Variants in NEB observed in about 807,000 individuals in gnomAD.
The protein encoded by NEB is nemaline myopathy type 2.
A neutral mutation model predicts 952.2 loss-of-function variants in NEB; 512 were observed. The ratio of observed to expected loss-of-function variants is 0.54; its 90% CI spans 0.50 to 0.58. The LOEUF (loss-of-function observed/expected upper bound fraction) is 0.58. Ranked by LOEUF, NEB falls within the 20% of genes least tolerant of loss-of-function variation. NEB has a pLI of 0.00. For missense variants in NEB, 8,428 were observed against 9,231.1 expected (o/e 0.91, Z 3.56); for synonymous variants, 2,900 against 3,149.8 (o/e 0.92, Z 2.66).
rs373278622 is a variant in NEB, at chr2:151,655,895, C to G, written c.6624G>C (p.Pro2208=). 6.2e-7 allele frequency: 1 copy of G among 1,613,750 alleles called. No homozygotes were observed. The highest frequency in any genetic ancestry group is 2.2e-5 in the East Asian group (1 of 44,870). ...YASDQKYRQH[P]SNFQFKKLTD... ...TCAGCTTCTTAAACTGGAAGTTGCT[C>G]GGGTGCTGGCGGTATTTCTGATCAC... The change falls in exon 50 of 182, where the codon CCG becomes CCC. Residue 2208 remains proline, a synonymous_variant. Transcript: ENST00000397345.
chr2:151,524,481 T>C (rs763793793), intron 152 of NEB, 34 bp downstream of exon 152: 1 of 1,613,020 alleles, frequency 6.2e-7, no homozygotes, highest in Non-Finnish European at 8.5e-7. Flanking sequence ...GCAATGGCTG[T>C]TGGGGACTGG....
intron 110 of NEB, among the ~76,000 whole-genome samples, 180 bp from the exon 111 acceptor site, chr2:151,568,896 T>G (rs1050706901): frequency 8.5e-5 from 13 of 152,220 alleles, no homozygotes; most frequent in African/African-American, 2.9e-4. Flanking sequence ...TGCATCAGCT[T>G]CTTATGCCTC....
At chr2:151,540,670 T>G in intron 137 of NEB, 27 bp downstream of exon 137, 1 of 1,581,258 alleles carries the variant, frequency 6.3e-7, no homozygotes. Flanking sequence ...TTTTACCCAG[T>G]GCCTCAGTGC....
chr2:151,690,818 T>C lies in NEB; in HGVS notation c.2219A>G (p.Tyr740Cys), dbSNP rs746001580. 6.4e-7 allele frequency: 1 copy of C among 1,573,418 alleles called. No homozygotes were observed. Reference sequence around the variant, plus strand: ...TTTGGTCTTATCTGGATGAACTTTGTAGGTATGCTAGAAAAGAAGATGTTC... The same window carrying C: ...TTTGGTCTTATCTGGATGAACTTTGCAGGTATGCTAGAAAAGAAGATGTTC... ...KKLDQCKDHT[Y>C]KVHPDKTKFT... is the part of the protein sequence containing the mutation. Residue 740 changes from tyrosine to cysteine, a missense_variant, in exon 24 of 182, where the codon TAC (tyrosine) becomes TGC (cysteine). Physicochemically the swap from Tyr to Cys is radical, Grantham distance 194. Coordinates refer to ENST00000397345, the MANE Select transcript of NEB (RefSeq NM_001164508.2).
intron 119 of NEB, among the ~76,000 whole-genome samples, chr2:151,563,011 C>CTTTTTTTT (rs397868741): frequency 2.1e-5 from 2 of 93,338 alleles, no homozygotes; most frequent in Non-Finnish European, 4.2e-5. Context: ...AATTTCCCAT[C>CTTTTTTTT]TTTTTTTTTT....
chr2:151,655,323 G>A lies in NEB; in HGVS notation c.6754C>T (p.Pro2252Ser), dbSNP rs368180456. 27 of 1,601,724 alleles carry A rather than the reference G, an allele frequency of 1.7e-5. No homozygotes were observed. The highest frequency in any genetic ancestry group is 2.0e-5 in the Non-Finnish European group (24 of 1,171,816). The change falls in exon 51 of 182, where the codon CCT becomes TCT. Residue 2252 changes from proline to serine, a missense_variant. Around this residue, in one of 11 missense-constraint regions of NEB, gnomAD observed 2,851 missense variants for 2,791.5 expected, o/e 1.02. Transcript: ENST00000397345. ...GCTTGTAAAATATCTGGTGTATCAG[G>A]CATCACATGAATCTTGGTCTTATCT... Reference protein sequence around the residue: ...NKDKTKIHVMPDTPDILQAKQ... With the variant: ...NKDKTKIHVMSDTPDILQAKQ...
intron 28 of NEB, 74 bp downstream of exon 28, chr2:151,684,704 C>A (rs2099476814): frequency 7.3e-7 from 1 of 1,364,754 alleles, no homozygotes; most frequent in South Asian, 1.5e-5. Flanking sequence ...AGTGCAAAAA[C>A]CTCACTCAAC....
intron 160 of NEB, 96 bp downstream of exon 160, chr2:151,513,484 G>C (rs921652177): frequency 2.3e-6 from 2 of 864,392 alleles, no homozygotes; most frequent in African/African-American, 3.4e-5. Flanking sequence ...GTATGCATGT[G>C]ACTGTCACCA....
chr2:151,734,227 C>T (rs1227007360), intron 1 of NEB, among the ~76,000 whole-genome samples, 171 bp downstream of exon 1: 2 of 152,158 alleles, frequency 1.3e-5, no homozygotes, highest in Non-Finnish European at 2.9e-5. Flanking sequence ...ACACACGGTA[C>T]ATAGCAGATA....
At chr2:151,659,993 A>C (rs546650833) in intron 46 of NEB, among the ~76,000 whole-genome samples, 2 of 152,328 alleles carry the variant, frequency 1.3e-5, no homozygotes, top group African/African-American at 4.8e-5. Flanking sequence ...GTGGACATGG[A>C]GATGTGCCAC....
At chr2:151,654,970 T>G (rs1449779699) in intron 51 of NEB, among the ~76,000 whole-genome samples, 5 of 152,162 alleles carry the variant, frequency 3.3e-5, no homozygotes, top group African/African-American at 1.2e-4. Context: ...TACAGGTGCA[T>G]GTCATCACAC....
At chr2:151,493,981 C>T (rs927000704) in intron 174 of NEB, 114 bp from the exon 175 acceptor site, 1 of 901,862 alleles carries the variant, frequency 1.1e-6, no homozygotes, top group African/African-American at 1.7e-5. Context: ...GTGAGAACAC[C>T]TCTCAAGAAG....
chr2:151,697,719 T>C, intron 13 of NEB, 71 bp from the exon 14 acceptor site: 1 of 956,794 alleles, frequency 1.0e-6, no homozygotes, highest in Non-Finnish European at 1.6e-6. Flanking sequence ...ACTTACATTT[T>C]CTAACACTAA....
chr2:151,702,677 T>G (rs558974602), intron 13 of NEB, among the ~76,000 whole-genome samples: 32 of 152,132 alleles, frequency 2.1e-4, no homozygotes, highest in African/African-American at 7.0e-4. Context: ...TATCAGAGAC[T>G]AGGATTGCAA....
In NEB at chr2:151,625,604, G is replaced by A. The variant is rs1003683269; in HGVS notation, c.10382C>T (p.Thr3461Ile). 1 of 1,606,006 alleles carries A rather than the reference G, an allele frequency of 6.2e-7. No individual in the cohort carries two copies. The highest frequency in any genetic ancestry group is 1.7e-5 in the Admixed American group (1 of 59,920). The stretch of plus-strand genomic sequence containing the variant: ...TGTATCAGGCATAATATGGACTTGG[G>A]TCTTGTCTTTGTCCCAGGCTTCTGT... ...LYTEAWDKDKTQVHIMPDTPE... is the reference protein window; with the variant it reads ...LYTEAWDKDKIQVHIMPDTPE... The change falls in exon 71 of 182, where the codon ACC (threonine) becomes ATC (isoleucine). Residue 3461 changes from threonine (T) to isoleucine (I), a missense_variant. Thr to Ile is a moderately conservative substitution (Grantham distance 89, BLOSUM62 -1). This residue lies in a region of NEB where 1,772 missense variants were observed against 1,960.3 expected (regional missense o/e 0.90). Transcript: ENST00000397345.
At chr2:151,541,366 G>A in intron 136 of NEB, 81 bp downstream of exon 136, 1 of 999,922 alleles carries the variant, frequency 1.0e-6, no homozygotes. Context: ...GTGTGAGTCT[G>A]CCACTGGCCA....
intron 150 of NEB, 126 bp from the exon 151 acceptor site, chr2:151,525,399 T>A: frequency 1.5e-6 from 1 of 675,962 alleles, no homozygotes; most frequent in South Asian, 1.8e-5. Flanking sequence ...GGGACTTAGA[T>A]AAGACCCATA....
Position 151,617,417 on chromosome 2 carries a change from G to C in NEB, c.11128C>G (p.Pro3710Ala). 1 of 1,566,178 alleles carries C rather than the reference G, an allele frequency of 6.4e-7. No homozygotes were observed. Among genetic ancestry groups the C allele is most frequent in the Non-Finnish European group, 8.7e-7 (1 of 1,154,320 alleles). Residue 3710 changes from proline to alanine, a missense_variant, in exon 75 of 182, where the codon CCT becomes GCT. Physicochemically the swap from Pro to Ala is conservative, Grantham distance 27. This residue lies in a region of NEB where 1,772 missense variants were observed against 1,960.3 expected (regional missense o/e 0.90). Coordinates refer to ENST00000397345, the MANE Select transcript of NEB (RefSeq NM_001164508.2). ...GCTAACATGATTTCTGGTGTATCAG[G>C]CATGACATGAATAGTTTTCTTGTCA... ...DNDKKTIHVM[P>A]DTPEIMLAKL...
At chr2:151,688,463 T>C (rs2099519868) in intron 24 of NEB, 67 bp from the exon 25 acceptor site, 2 of 1,218,658 alleles carry the variant, frequency 1.6e-6, no homozygotes, top group Non-Finnish European at 2.4e-6. Context: ...GCAGCATATA[T>C]AGCTAAGGCA....
Sources: gnomAD v4.1 joint callset for allele counts (sites outside exome capture counted in the v4.1 genomes callset) on GRCh38, gnomAD v4.1.1 for gene constraint, gnomAD v4.1.1 regional missense constraint, MANE v1.5 for transcripts, NCBI Gene and HGNC (gene_info 2026-07-23, HGNC 2026-07-21) for gene names.